The following NOX5 variants were observed in gnomAD, a reference collection of about 807,000 sequenced individuals.
NOX5 encodes NADPH oxidase, EF-hand calcium binding domain 5.
Under a neutral mutation model 85.7 loss-of-function variants are expected in NOX5, and 76 were observed. That is an observed-to-expected ratio of 0.89 (90% confidence interval 0.74 to 1.07). The LOEUF (loss-of-function observed/expected upper bound fraction) is 1.07. Among genes scored for constraint, NOX5 ranks in the 50% least tolerant of loss-of-function variants. The pLI, the probability that NOX5 is intolerant of heterozygous loss-of-function variation, is 0.00. For missense variants in NOX5, 973 were observed against 999.5 expected (o/e 0.97, Z 0.36); for synonymous variants, 405 against 401.4 (o/e 1.01, Z -0.11).
At chr15:69,041,538 A>G (rs1481177132) in intron 9 of NOX5, among the ~76,000 whole-genome samples, 1 of 152,200 alleles carries the variant, frequency 6.6e-6, no homozygotes, top group Non-Finnish European at 1.5e-5. Flanking sequence ...AAAACCATGG[A>G]TGCCTTTCTG....
In NOX5 at chr15:69,055,351, C is replaced by T; in HGVS notation, c.2017C>T (p.His673Tyr). 1.9e-6 allele frequency: 3 copies of T among 1,614,154 alleles called. No homozygotes were observed. The highest frequency in any genetic ancestry group is 2.5e-6 in the Non-Finnish European group (3 of 1,180,002). Reference protein sequence around the residue: ...EAQYGRFLELHMYMTSALGKN... With the variant: ...EAQYGRFLELYMYMTSALGKN... ...CCCAACAGGCCGCTTCCTGGAGCTG[C>T]ATATGTACATGACATCTGCACTGGG... The change falls in exon 15 of 16, where the codon CAT (histidine) becomes TAT (tyrosine). Residue 673 changes from histidine (H) to tyrosine (Y), a missense_variant. Transcript: ENST00000388866.
chr15:69,016,197 C>T (rs970994581), intron 1 of NOX5, among the ~76,000 whole-genome samples: 19 of 152,078 alleles, frequency 1.2e-4, no homozygotes, highest in Non-Finnish European at 1.3e-4. Flanking sequence ...GCCTGGAGCC[C>T]CTGCCTTGGG....
intron 14 of NOX5, among the ~76,000 whole-genome samples, chr15:69,054,448 A>G (rs928532056): frequency 6.6e-6 from 1 of 151,906 alleles, no homozygotes; most frequent in African/African-American, 2.4e-5. Context: ...GTTACTCTCA[A>G]CCTTCCCCTG....
chr15:69,035,317 G>T, intron 5 of NOX5, 37 bp from the exon 6 acceptor site: 1 of 1,606,214 alleles, frequency 6.2e-7, no homozygotes, highest in South Asian at 1.1e-5. Context: ...GGCAGACAGA[G>T]AGTGAGGCAG....
chr15:69,039,114 A>G, intron 9 of NOX5, 125 bp downstream of exon 9: 1 of 1,134,534 alleles, frequency 8.8e-7, no homozygotes. Flanking sequence ...AGCCTCAAAA[A>G]GCTCTCTTTG....
intron 14 of NOX5, among the ~76,000 whole-genome samples, chr15:69,051,742 T>A (rs969786391): frequency 2.0e-5 from 3 of 152,084 alleles, no homozygotes; most frequent in Non-Finnish European, 4.4e-5. Context: ...TATATATTTA[T>A]GGGGGGTGAG....
chr15:69,054,835 T>A (rs1166368171), intron 14 of NOX5, among the ~76,000 whole-genome samples: 2 of 152,148 alleles, frequency 1.3e-5, no homozygotes. Context: ...CCAGCCAGGC[T>A]GAGGACAGAC....
intron 3 of NOX5, chr15:69,030,283 G>A (rs1193069567): frequency 2.6e-5 from 4 of 152,174 alleles, no homozygotes; most frequent in Non-Finnish European, 5.9e-5. Flanking sequence ...ACTTACGCGC[G>A]ACGGGGAGCC....
intron 5 of NOX5, 39 bp from the exon 6 acceptor site, chr15:69,035,313 CAG>C (rs745668709): frequency 7.5e-6 from 12 of 1,601,746 alleles, no homozygotes; most frequent in East Asian, 2.2e-5. Flanking sequence ...ACAAGGCAGA[CAG>C]AGAGTGAGGC....
chr15:69,031,615 T>G lies in NOX5; in HGVS notation c.423T>G (p.Ile141Met), dbSNP rs774813093. 5.6e-6 allele frequency: 9 copies of G among 1,613,226 alleles called. No individual in the cohort carries two copies. The highest frequency in any genetic ancestry group is 1.7e-5 in the Admixed American group (1 of 60,010). The stretch of plus-strand genomic sequence containing the variant: ...CACTCGGGACAGGCAGTGGCTCCAT[T>G]GACCCGGATGAGCTGCGCACTGTGC... The part of the protein sequence containing the change: ...SSPLGTGSGS[I>M]DPDELRTVLQ... The change falls in exon 4 of 16, where the codon ATT (isoleucine) becomes ATG (methionine). Residue 141 changes from isoleucine to methionine, a missense_variant. By Grantham distance (10) the Ile-to-Met change is conservative. Transcript: ENST00000388866.
At chr15:69,025,107 G>A (rs2050340265) in intron 1 of NOX5, among the ~76,000 whole-genome samples, 1 of 152,194 alleles carries the variant, frequency 6.6e-6, no homozygotes, top group East Asian at 1.9e-4. Flanking sequence ...TATAGAGTTA[G>A]GCTCATGTGA....
intron 2 of NOX5, among the ~76,000 whole-genome samples, chr15:69,027,564 G>C (rs2050374266): frequency 6.6e-6 from 1 of 152,104 alleles, no homozygotes; most frequent in African/African-American, 2.4e-5. Context: ...GAGCATCCCA[G>C]GACACAGCAT....
At chr15:69,048,577 A>G (rs1175924311) in intron 13 of NOX5, among the ~76,000 whole-genome samples, 1 of 151,862 alleles carries the variant, frequency 6.6e-6, no homozygotes, top group Non-Finnish European at 1.5e-5. Flanking sequence ...AAATAATATA[A>G]TCAAATAATA....
chr15:69,042,690 A>C lies in NOX5; in HGVS notation c.1532A>C (p.Gln511Pro), dbSNP rs1431597936. 3.7e-6 allele frequency: 6 copies of C among 1,613,850 alleles called. No individual in the cohort carries two copies. Among genetic ancestry groups the C allele is most frequent in the Non-Finnish European group, 5.1e-6 (6 of 1,180,020 alleles). ...KDTIWLHIRS[Q>P]GQWTNRLYES... is the part of the protein sequence containing the mutation. ...ACTATCTGGCTGCACATTCGGTCCC[A>C]AGGCCAGTGGACAAACAGGCTGTAT... Residue 511 changes from glutamine to proline, a missense_variant, in exon 10 of 16, where the codon CAA (glutamine) becomes CCA (proline). By Grantham distance (76) the Gln-to-Pro change is moderately conservative. Transcript: ENST00000388866.
In NOX5 at chr15:69,055,434, G is replaced by A; in HGVS notation, c.2100G>A (p.Lys700=). 1.2e-6 allele frequency: 2 copies of A among 1,614,226 alleles called. No individual in the cohort carries two copies. Among genetic ancestry groups the A allele is most frequent in the Middle Eastern group, 3.3e-4 (2 of 6,062 alleles). The part of the protein sequence containing the change: ...LQMALDLLAN[K]EKKDSITGLQ... ...TGGCCCTTGACCTCCTGGCCAACAA[G>A]GAGAAGAAAGACTCCATCACGGGGC... Residue 700 remains lysine, a synonymous_variant, in exon 15 of 16, where the codon AAG becomes AAA. Coordinates refer to ENST00000388866, the MANE Select transcript of NOX5 (RefSeq NM_024505.4).
intron 10 of NOX5, among the ~76,000 whole-genome samples, chr15:69,046,551 G>A (rs1595787028): frequency 2.0e-5 from 3 of 152,288 alleles, no homozygotes; most frequent in South Asian, 2.1e-4. Context: ...AAACACAGTT[G>A]TTATGGTGGG....
At position 69,046,823 on chromosome 15, in the gene NOX5, G is replaced by C; in HGVS notation, c.1649G>C (p.Gly550Ala). The C allele has an allele frequency of 6.2e-7, 1 of 1,613,642 alleles. No individual in the cohort carries two copies. The highest frequency in any genetic ancestry group is 8.5e-7 in the Non-Finnish European group (1 of 1,179,652). Reference protein sequence around the residue: ...TMRKSQRSSKGSEILLEKHKF... With the variant: ...TMRKSQRSSKASEILLEKHKF... Reference sequence around the variant, plus strand: ...AACTCTCTGCTCTACTCCCTGCAGGGCTCTGAGATACTTTTGGAGAAACAC... The same window carrying C: ...AACTCTCTGCTCTACTCCCTGCAGGCCTCTGAGATACTTTTGGAGAAACAC... The change falls in exon 11 of 16, where the codon GGC becomes GCC. Residue 550 changes from glycine (G) to alanine (A), a missense_variant and splice_region_variant. By Grantham distance (60) the Gly-to-Ala change is moderately conservative (BLOSUM62 0). Coordinates refer to ENST00000388866, the MANE Select transcript of NOX5 (RefSeq NM_024505.4).
intron 14 of NOX5, among the ~76,000 whole-genome samples, chr15:69,052,764 C>T (rs139560487): frequency 0.011 from 1,750 of 152,276 alleles, 15 homozygotes; most frequent in Non-Finnish European, 0.016. Flanking sequence ...TAGACTAGTT[C>T]AGTAAAGCTC....
rs200973078 is a variant in NOX5, at chr15:69,042,780, T to A, written c.1622T>A (p.Met541Lys). The change falls in exon 10 of 16, where the codon ATG becomes AAG. Residue 541 changes from methionine (M) to lysine (K), a missense_variant. Physicochemically the swap from Met to Lys is moderately conservative, Grantham distance 95. Coordinates refer to ENST00000388866, the MANE Select transcript of NOX5 (RefSeq NM_024505.4). ...AAGAGGCTGTCGAGGAGTGTGACAA[T>A]GAGAAAGAGTCAAAGGTCGTCCAAG... is the stretch of plus-strand genomic sequence containing the variant. Reference protein sequence around the residue: ...GSKRLSRSVTMRKSQRSSKGS... With the variant: ...GSKRLSRSVTKRKSQRSSKGS... 15 of 1,613,838 alleles carry A rather than the reference T, an allele frequency of 9.3e-6. No individual in the cohort carries two copies. The South Asian group carries it at 1.6e-4, about 18-fold the overall frequency.
Sources: gnomAD v4.1 joint callset for allele counts (sites outside exome capture counted in the v4.1 genomes callset) on GRCh38, gnomAD v4.1.1 for gene constraint, MANE v1.5 for transcripts, NCBI Gene and HGNC (gene_info 2026-07-23, HGNC 2026-07-21) for gene names.